Variants in DTNB observed in about 807,000 individuals in gnomAD.
The protein encoded by DTNB is dystrobrevin beta.
A neutral mutation model predicts 90.7 loss-of-function variants in DTNB; 63 were observed. The observed-to-expected ratio is 0.69, with a 90% CI of 0.57 to 0.86. The LOEUF (loss-of-function observed/expected upper bound fraction) is 0.86, where lower values mean the gene tolerates loss of function less well. Ranked by LOEUF, DTNB falls within the 40% of genes least tolerant of loss-of-function variation. The pLI, the probability that DTNB is intolerant of heterozygous loss-of-function variation, is 0.00. For synonymous variants in DTNB, 277 were observed against 286.7 expected, an observed-to-expected ratio of 0.97 and a Z score of 0.34; for missense variants, 744 against 807.1, an observed-to-expected ratio of 0.92 and a Z score of 0.95.
intron 10 of DTNB, chr2:25,481,743 A>G (rs2065010046): frequency 1.3e-5 from 2 of 152,206 alleles, no homozygotes; most frequent in Non-Finnish European, 2.9e-5. Flanking sequence ...TTGCTTGATG[A>G]TAAGAATCAG....
chr2:25,427,922 C>A, intron 14 of DTNB: 1 of 207,646 alleles, frequency 4.8e-6, no homozygotes, highest in Non-Finnish European at 9.6e-6. Flanking sequence ...AAAATCAATG[C>A]CTTTTGAAAA....
chr2:25,538,997 AG>A (rs907865145), intron 8 of DTNB, among the ~76,000 whole-genome samples: 3 of 152,220 alleles, frequency 2.0e-5, no homozygotes, highest in African/African-American at 7.2e-5. Flanking sequence ...AAACCTGTAT[AG>A]TTCTCTATAT....
At chr2:25,600,533 A>G (rs544394418) in intron 5 of DTNB, among the ~76,000 whole-genome samples, 35 of 152,226 alleles carry the variant, frequency 2.3e-4, no homozygotes, top group Non-Finnish European at 4.6e-4. Flanking sequence ...TTATTTTTAC[A>G]TGAGAAAAAT....
rs922357705 is a variant in DTNB, at chr2:25,541,354, C to T, written c.877-9757G>A. Among the ~76,000 whole-genome samples, 24 of 152,062 alleles carry T rather than the reference C, an allele frequency of 1.6e-4. No individual in the cohort carries two copies. In the East Asian group the frequency reaches 1.7e-3, roughly 11 times the overall value. ...AATTAGCTGGGCGTGGTGGTGGGCGCACCTGTAATCCCAGCTACTTGGGAG... is the reference window on the plus strand; with the variant it reads ...AATTAGCTGGGCGTGGTGGTGGGCGTACCTGTAATCCCAGCTACTTGGGAG... On this transcript the variant is annotated intron_variant, in intron 8 of 20. Transcript: ENST00000406818.
intron 9 of DTNB, among the ~76,000 whole-genome samples, chr2:25,491,658 A>G (rs2067521184): frequency 6.6e-6 from 1 of 152,098 alleles, no homozygotes; most frequent in South Asian, 2.1e-4. Context: ...CACTGGGAAC[A>G]GTGGTATATT....
intron 8 of DTNB, chr2:25,576,392 A>AT (rs374935191): frequency 0.013 from 1,961 of 150,614 alleles, 39 homozygotes; most frequent in African/African-American, 0.046. Context: ...CGCCCGGATA[A>AT]TTTTTTTTTG....
In DTNB at chr2:25,531,477, T is replaced by C. The variant is rs369472992; in HGVS notation, c.997A>G (p.Ile333Val). ...CACATCCAGGGGTATACTTACACTA[T>C]ATGTGCAAGGTCAAGTGGTTTCTCT... ...QPEKPLDLAHIVPPRPLTNMN... is the reference protein window; with the variant it reads ...QPEKPLDLAHVVPPRPLTNMN... Residue 333 changes from isoleucine (I) to valine (V), a missense_variant, in exon 9 of 21, where the codon ATA becomes GTA. Physicochemically the swap from Ile to Val is conservative, Grantham distance 29. Coordinates refer to ENST00000406818, the MANE Select transcript of DTNB (RefSeq NM_021907.5). 1.2e-6 allele frequency: 2 copies of C among 1,613,656 alleles called. No homozygotes were observed. Among genetic ancestry groups the C allele is most frequent in the Middle Eastern group, 1.7e-4 (1 of 6,060 alleles).
intron 8 of DTNB, among the ~76,000 whole-genome samples, chr2:25,572,453 C>T (rs1435064992): frequency 1.3e-5 from 2 of 148,488 alleles, no homozygotes; most frequent in Non-Finnish European, 1.5e-5. Context: ...GGCGACAAAG[C>T]GAGACTCCAT....
intron 8 of DTNB, among the ~76,000 whole-genome samples, chr2:25,540,287 T>C (rs1017748321): frequency 6.6e-6 from 1 of 152,252 alleles, no homozygotes; most frequent in Non-Finnish European, 1.5e-5. Flanking sequence ...CTGCGTTCAT[T>C]TCCCCATGTA....
At chr2:25,482,480 T>C (rs984672325) in intron 10 of DTNB, among the ~76,000 whole-genome samples, 2 of 152,144 alleles carry the variant, frequency 1.3e-5, no homozygotes, top group African/African-American at 4.8e-5. Context: ...ACCAAAATAT[T>C]GTTTAAGGTT....
In DTNB at chr2:25,424,821, C is replaced by A. The variant is rs2050980212; in HGVS notation, c.1554+2714G>T. ...TAGCTGGGATTATAGGCACGTGCCA[C>A]CGTGCCCGGCTAATTTTTGTGTTTT... On this transcript the variant is annotated intron_variant, in intron 15 of 20. Coordinates refer to ENST00000406818, the MANE Select transcript of DTNB (RefSeq NM_021907.5). This position sits in a 1 kb window ranked among gnomAD's most constrained non-coding sequence, Gnocchi z 4.1. Among the ~76,000 whole-genome samples, 1 of 152,122 alleles carries A rather than the reference C, an allele frequency of 6.6e-6. No individual in the cohort carries two copies. The highest frequency in any genetic ancestry group is 1.5e-5 in the Non-Finnish European group (1 of 68,026).
intron 6 of DTNB, among the ~76,000 whole-genome samples, chr2:25,594,143 G>A (rs990024921): frequency 5.3e-5 from 8 of 152,178 alleles, no homozygotes; most frequent in Non-Finnish European, 8.8e-5. Flanking sequence ...TGAAGGGCAC[G>A]TTAACACCTG....
At chr2:25,587,318 A>C (rs1242868238) in intron 6 of DTNB, among the ~76,000 whole-genome samples, 1 of 152,094 alleles carries the variant, frequency 6.6e-6, no homozygotes, top group Non-Finnish European at 1.5e-5. Context: ...GAGAAAGCAC[A>C]CTCCTCTTCC....
rs1367138800 is a variant in DTNB at position 25,444,755 on chromosome 2, GA to G, written c.1257+6792del. 2.0e-5 allele frequency among the ~76,000 whole-genome samples: 3 copies of G among 152,132 alleles called. No homozygotes were observed. The East Asian group carries it at 5.8e-4, about 29-fold the overall frequency. The stretch of plus-strand genomic sequence containing the variant: ...TTTAACAATGTGGAAGAAGGTCTTT[GA>G]AAAAAATCAATACAAACCTATCTGG... On this transcript the variant is annotated intron_variant, in intron 12 of 20. Coordinates refer to ENST00000406818, the MANE Select transcript of DTNB (RefSeq NM_021907.5).
chr2:25,640,303 A>G (rs1383727170), intron 2 of DTNB, among the ~76,000 whole-genome samples: 2 of 152,134 alleles, frequency 1.3e-5, no homozygotes, highest in Non-Finnish European at 2.9e-5. Flanking sequence ...TTTTGACTCA[A>G]TAAGGGGACA....
chr2:25,433,690 G>T (rs201210164), intron 13 of DTNB, among the ~76,000 whole-genome samples: 2 of 152,146 alleles, frequency 1.3e-5, no homozygotes, highest in Admixed American at 6.5e-5. Context: ...GGAATCCCCC[G>T]AGGGCAGGTG....
rs562783497 is a variant in DTNB, at chr2:25,547,099, T to C, written c.877-15502A>G. Among the ~76,000 whole-genome samples the C allele has an allele frequency of 3.3e-5, 5 of 152,240 alleles. No homozygotes were observed. In the South Asian group the frequency reaches 1.0e-3, roughly 32 times the overall value. ...TCTGGCCTCAAGTGATCCTCCCGCC[T>C]TGACCTGCCAGAGTGCTGGGATTAT... is the stretch of plus-strand genomic sequence containing the variant. On this transcript the variant is annotated intron_variant, in intron 8 of 20. Transcript: ENST00000406818.
chr2:25,547,453 A>G (rs1340635437), intron 8 of DTNB, among the ~76,000 whole-genome samples: 2 of 151,548 alleles, frequency 1.3e-5, no homozygotes, highest in East Asian at 3.9e-4. Flanking sequence ...CCTCCGGAGT[A>G]GCTGGGATTA....
chr2:25,577,109 G>C (rs2060802314), intron 7 of DTNB, 105 bp from the exon 8 acceptor site: 7 of 1,240,682 alleles, frequency 5.6e-6, no homozygotes, highest in African/African-American at 1.5e-5. Context: ...CAATACAGAG[G>C]AATACCAAAA....
Sources: allele counts gnomAD v4.1 joint callset (sites outside exome capture counted in the v4.1 genomes callset), GRCh38; gene constraint gnomAD v4.1.1; non-coding constraint Gnocchi (gnomAD v3.1); transcripts MANE v1.5; gene names NCBI Gene and HGNC (gene_info 2026-07-23, HGNC 2026-07-21).